SCN3A: variants seen among roughly 807,000 people sequenced by gnomAD.
The protein encoded by SCN3A is sodium channel protein type 3 subunit alpha.
In SCN3A, 60 loss-of-function variants were observed where a neutral mutation model predicts 187.6. That is an observed-to-expected ratio of 0.32 (90% confidence interval 0.26 to 0.40). The LOEUF (loss-of-function observed/expected upper bound fraction) is 0.40. Ranked by LOEUF, SCN3A falls within the 10% of genes least tolerant of loss-of-function variation. The pLI is 1.00. For synonymous variants in SCN3A, 788 were observed against 829.2 expected (o/e 0.95, Z 0.85); for missense variants, 1,601 against 2,428.2 (o/e 0.66, Z 7.16).
rs377179591 is a variant in SCN3A at position 165,091,191 on chromosome 2, C to T, written c.4962G>A (p.Ala1654=). 30 of 1,613,944 alleles carry T rather than the reference C, an allele frequency of 1.9e-5. No individual in the cohort carries two copies. The highest frequency in any genetic ancestry group is 4.5e-5 in the East Asian group (2 of 44,886). Reference sequence around the variant, plus strand: ...AGAGCAGGAGGCCGATGTTAAACAACGCAGGAAGGGACATCATCAAAGCAA... The same window carrying T: ...AGAGCAGGAGGCCGATGTTAAACAATGCAGGAAGGGACATCATCAAAGCAA... The part of the protein sequence containing the change: ...LLFALMMSLP[A]LFNIGLLLFL... Residue 1654 remains alanine, a synonymous_variant, in exon 28 of 28, where the codon GCG becomes GCA. Coordinates refer to ENST00000283254, the MANE Select transcript of SCN3A (RefSeq NM_006922.4).
At position 165,139,825 on chromosome 2, in the gene SCN3A, A is replaced by G. The variant is rs555120863; in HGVS notation, c.2020-217T>C. 5.6e-5 allele frequency: 31 copies of G among 554,354 alleles called. No individual in the cohort carries two copies. The East Asian group carries it at 8.9e-4, about 16-fold the overall frequency. 34.3% of individuals were successfully genotyped at this position (554,354 alleles called of 1,614,324 possible). On this transcript the variant is annotated intron_variant, in intron 13 of 27. Transcript: ENST00000283254. The stretch of plus-strand genomic sequence containing the variant: ...TAAGAGGAATTCACCAGTGGGATGC[A>G]GTTTTATAACACAATTATATTACAG...
intron 3 of SCN3A, among the ~76,000 whole-genome samples, chr2:165,171,293 C>T (rs555964153): frequency 6.0e-4 from 92 of 152,074 alleles, no homozygotes; most frequent in African/African-American, 2.2e-3. Context: ...TCACTCACAA[C>T]TAGTCAAACT....
intron 12 of SCN3A, among the ~76,000 whole-genome samples, chr2:165,145,736 T>G (rs1024602861): frequency 6.6e-6 from 1 of 152,024 alleles, no homozygotes; most frequent in Non-Finnish European, 1.5e-5. Flanking sequence ...CCTTGGTTGA[T>G]TTGCAGTTTT....
At chr2:165,091,904 T>G (rs1574090830) in intron 27 of SCN3A, 1 of 355,474 alleles carries the variant, frequency 2.8e-6, no homozygotes, top group Non-Finnish European at 5.3e-6. Context: ...CTACTTCCTC[T>G]TCAGTGCTTC....
intron 18 of SCN3A, among the ~76,000 whole-genome samples, chr2:165,121,757 C>G (rs182222454): frequency 1.4e-4 from 21 of 152,184 alleles, no homozygotes; most frequent in Admixed American, 7.2e-4. Flanking sequence ...TCCCAGAACC[C>G]GCACTCTGGC....
chr2:165,089,350 T>C lies in SCN3A; in HGVS notation c.*800A>G, dbSNP rs1684972486. 1 of 152,764 alleles carries C rather than the reference T, an allele frequency of 6.5e-6. No individual in the cohort carries two copies. Among genetic ancestry groups the C allele is most frequent in the African/African-American group, 2.4e-5 (1 of 41,588 alleles). 9.5% of individuals were successfully genotyped at this position (152,764 alleles called of 1,614,324 possible). ...CTATTCTAAAGCAATACTTTAGATATATTTTTCTAGAATGGATTTATTAGA... is the reference window on the plus strand; with the variant it reads ...CTATTCTAAAGCAATACTTTAGATACATTTTTCTAGAATGGATTTATTAGA... On this transcript the variant is annotated 3_prime_UTR_variant, in exon 28 of 28. Transcript: ENST00000283254.
At chr2:165,156,120 C>T (rs548455750) in intron 9 of SCN3A, among the ~76,000 whole-genome samples, 2 of 152,052 alleles carry the variant, frequency 1.3e-5, no homozygotes, top group East Asian at 1.9e-4. Context: ...TAAATATTTA[C>T]GGACATTTAG....
Position 165,162,650 on chromosome 2 carries a change from G to A in SCN3A, c.873C>T (p.Thr291=). The stretch of plus-strand genomic sequence containing the variant: ...CCATTGTGCCATTAAAGTAGGAAGT[G>A]GTGTTGGTTTCAAAAGCAGAATCGC... The part of the protein sequence containing the change: ...PPSDSAFETN[T]TSYFNGTMDS... The change falls in exon 8 of 28, where the codon ACC becomes ACT. Residue 291 remains threonine (T), a synonymous_variant. Transcript: ENST00000283254. 1 of 1,614,142 alleles carries A rather than the reference G, an allele frequency of 6.2e-7. No homozygotes were observed. Among genetic ancestry groups the A allele is most frequent in the Non-Finnish European group, 8.5e-7 (1 of 1,179,994 alleles).
chr2:165,141,122 G>A, intron 12 of SCN3A, 124 bp from the exon 13 acceptor site: 1 of 639,794 alleles, frequency 1.6e-6, no homozygotes, highest in South Asian at 2.4e-5. Flanking sequence ...TCTTAAACAT[G>A]GATAATCAAA....
chr2:165,102,517 C>CT (rs770963304), intron 21 of SCN3A, among the ~76,000 whole-genome samples: 2 of 150,592 alleles, frequency 1.3e-5, no homozygotes, highest in African/African-American at 2.5e-5. Flanking sequence ...CCTCTTTTCT[C>CT]TTTAAAAAAA....
chr2:165,180,221 G>A (rs531451024), intron 2 of SCN3A, among the ~76,000 whole-genome samples: 18 of 152,216 alleles, frequency 1.2e-4, no homozygotes, highest in African/African-American at 3.4e-4. Flanking sequence ...AAAGGATCTC[G>A]AAATCATTTA....
chr2:165,185,466 G>C (rs1691172644), intron 2 of SCN3A, among the ~76,000 whole-genome samples: 1 of 152,158 alleles, frequency 6.6e-6, no homozygotes, highest in African/African-American at 2.4e-5. Context: ...TCACTCCCAA[G>C]AAAGAGAACA....
At chr2:165,095,000 T>C (rs1685296362) in intron 25 of SCN3A, among the ~76,000 whole-genome samples, 1 of 152,160 alleles carries the variant, frequency 6.6e-6, no homozygotes, top group South Asian at 2.1e-4. Context: ...AGACAAGCTG[T>C]TACATAGCTT....
chr2:165,175,259 C>T (rs1333016089), intron 3 of SCN3A, among the ~76,000 whole-genome samples: 2 of 152,124 alleles, frequency 1.3e-5, no homozygotes, highest in Non-Finnish European at 2.9e-5. Context: ...TATTTTTACG[C>T]TTTTAAGTGT....
intron 11 of SCN3A, among the ~76,000 whole-genome samples, chr2:165,153,436 C>G (rs1299015502): frequency 2.0e-5 from 3 of 151,980 alleles, no homozygotes; most frequent in African/African-American, 7.2e-5. Flanking sequence ...AAATAATACT[C>G]TGGATAAACT....
chr2:165,155,646 G>T (rs1004226990), intron 10 of SCN3A, 116 bp downstream of exon 10: 2 of 1,138,872 alleles, frequency 1.8e-6, no homozygotes, highest in Non-Finnish European at 2.6e-6. Context: ...TGATCCATCC[G>T]CCTCTGCCTC....
chr2:165,136,058 A>G (rs867608300), intron 15 of SCN3A, among the ~76,000 whole-genome samples: 2 of 152,288 alleles, frequency 1.3e-5, no homozygotes, highest in South Asian at 4.1e-4. Flanking sequence ...CTCATTGTTT[A>G]TATGTGTGTT....
At chr2:165,135,112 A>G (rs746668716) in intron 15 of SCN3A, among the ~76,000 whole-genome samples, 11 of 152,222 alleles carry the variant, frequency 7.2e-5, no homozygotes, top group Admixed American at 1.3e-4. Context: ...CAGCATTGTC[A>G]GGTAAGTTGG....
At chr2:165,130,521 A>C (rs1687249728) in intron 16 of SCN3A, 2 of 551,342 alleles carry the variant, frequency 3.6e-6, no homozygotes, top group Admixed American at 3.3e-5. Context: ...AACATTTCAG[A>C]AATAATAAAT....
Sources: allele counts gnomAD v4.1 joint callset (sites outside exome capture counted in the v4.1 genomes callset), GRCh38; gene constraint gnomAD v4.1.1; transcripts MANE v1.5; gene names NCBI Gene and HGNC (gene_info 2026-07-23, HGNC 2026-07-21).